Variants in ANKRD36 observed in about 807,000 individuals in gnomAD.
The protein encoded by ANKRD36 is ankyrin repeat domain 36.
A neutral mutation model predicts 278.1 loss-of-function variants in ANKRD36; 179 were observed. The observed-to-expected ratio is 0.64, with a 90% CI of 0.57 to 0.73. The LOEUF (loss-of-function observed/expected upper bound fraction) is 0.73, where lower values mean the gene tolerates loss of function less well. ANKRD36 is among the 30% of genes least tolerant of loss of function. ANKRD36 has a pLI of 0.00. For missense variants in ANKRD36, 1,159 were observed against 1,956.7 expected (o/e 0.59, Z 7.69); for synonymous variants, 320 against 641.1 (o/e 0.50, Z 7.57).
In ANKRD36 at chr2:97,179,916, G is replaced by C. The variant is rs750613624; in HGVS notation, c.1718G>C (p.Gly573Ala). ...AATATAGCCACAGAAATAAAGGAGG[G>C]ACCAATATCTGGGACAGGTAATTTT... ...VSNIATEIKEGPISGTVSSQK... is the reference protein window; with the variant it reads ...VSNIATEIKEAPISGTVSSQK... The change falls in exon 24 of 76, where the codon GGA (glycine) becomes GCA (alanine). Residue 573 changes from glycine to alanine, a missense_variant. Coordinates refer to ENST00000420699, the MANE Select transcript of ANKRD36 (RefSeq NM_001354587.1). The C allele has an allele frequency of 4.4e-6, 7 of 1,605,600 alleles. No individual in the cohort carries two copies. The highest frequency in any genetic ancestry group is 4.0e-5 in the African/African-American group (3 of 74,680).
intron 64 of ANKRD36, among the ~76,000 whole-genome samples, chr2:97,218,086 T>C (rs1342699938): frequency 6.6e-6 from 1 of 151,910 alleles, no homozygotes; most frequent in Non-Finnish European, 1.5e-5. Context: ...TTTTATTAGT[T>C]ATTCAAATGA....
At chr2:97,122,666 T>TTTGG (rs1248046371) in intron 3 of ANKRD36, among the ~76,000 whole-genome samples, 3 of 149,776 alleles carry the variant, frequency 2.0e-5, no homozygotes, top group Non-Finnish European at 4.4e-5. Context: ...TGAAGTGAGT[T>TTTGG]TTGGAGATGA....
chr2:97,218,688 C>T (rs1181643082), intron 64 of ANKRD36, among the ~76,000 whole-genome samples: 1 of 152,108 alleles, frequency 6.6e-6, no homozygotes, highest in Admixed American at 6.6e-5. Flanking sequence ...GAAAGTCATG[C>T]AGTCGCAGTT....
At position 97,124,528 on chromosome 2, in the gene ANKRD36, T is replaced by G; in HGVS notation, c.662T>G (p.Ile221Ser). 1.9e-6 allele frequency: 3 copies of G among 1,553,096 alleles called. No individual in the cohort carries two copies. In the Admixed American group the frequency reaches 5.9e-5, roughly 30 times the overall value. The change falls in exon 5 of 76, where the codon ATT becomes AGT. Residue 221 changes from isoleucine to serine, a missense_variant. Coordinates refer to ENST00000420699, the MANE Select transcript of ANKRD36 (RefSeq NM_001354587.1). ...DIVILLLQHNIDVLSRDAFRK... is the reference protein window; with the variant it reads ...DIVILLLQHNSDVLSRDAFRK... ...GTCATTCTTCTTCTGCAGCACAATA[T>G]TGATGTGCTTTCTCGAGATGCGTTT...
Position 97,181,923 on chromosome 2 carries a change from T to C in ANKRD36, c.1837+130T>C, listed in dbSNP as rs1018834232. ...TTCAGCAGGCCTGAGATTCTTCAGT[T>C]CTCAGGTGACACTGATGCTGCTGGT... On this transcript the variant is annotated intron_variant, in intron 26 of 75. Transcript: ENST00000420699. 58 of 1,250,676 alleles carry C rather than the reference T, an allele frequency of 4.6e-5. No homozygotes were observed. In the African/African-American group the frequency reaches 7.4e-4, roughly 16 times the overall value. The allele number at this position is 1,250,676 out of a possible 1,614,324, so 77.5% of individuals were successfully genotyped here. A position where few individuals can be genotyped will look rare whatever the true frequency, so the allele number is the denominator to read the frequency against.
chr2:97,113,190 C>T lies in ANKRD36; in HGVS notation c.-550C>T, dbSNP rs1171790429. 6.6e-6 allele frequency among the ~76,000 whole-genome samples: 1 copy of T among 152,084 alleles called. No homozygotes were observed. The highest frequency in any genetic ancestry group is 2.4e-5 in the African/African-American group (1 of 41,444). On this transcript the variant is annotated 5_prime_UTR_variant, in exon 1 of 76. Coordinates refer to ENST00000420699, the MANE Select transcript of ANKRD36 (RefSeq NM_001354587.1). ...GCTGCAGTGCCGCCTACAAGTGGTG[C>T]GCTGGCTGCAGCTGTGGCAACCCCG...
intron 62 of ANKRD36, 43 bp downstream of exon 62, chr2:97,215,540 A>G: frequency 6.3e-7 from 1 of 1,595,892 alleles, no homozygotes; most frequent in Non-Finnish European, 8.5e-7. Flanking sequence ...GATCAAATAG[A>G]AGAGAAATTC....
At chr2:97,231,474 T>A (rs1220909638) in intron 67 of ANKRD36, among the ~76,000 whole-genome samples, 4 of 152,152 alleles carry the variant, frequency 2.6e-5, no homozygotes, top group African/African-American at 9.6e-5. Context: ...TGCCGTTTTT[T>A]AAGCCCGTCG....
intron 3 of ANKRD36, 93 bp from the exon 4 acceptor site, chr2:97,122,794 T>C (rs1229137366): frequency 9.1e-6 from 11 of 1,208,952 alleles, no homozygotes; most frequent in African/African-American, 1.6e-5. Context: ...ATTGTATATA[T>C]TGAAGCTCAC....
intron 14 of ANKRD36, among the ~76,000 whole-genome samples, chr2:97,153,279 T>A (rs2046556550): frequency 6.7e-6 from 1 of 149,194 alleles, no homozygotes; most frequent in Admixed American, 6.8e-5. Flanking sequence ...TTTTCTGGAT[T>A]CTTTTTTTTC....
intron 6 of ANKRD36, among the ~76,000 whole-genome samples, chr2:97,139,770 G>A (rs1312248635): frequency 6.6e-6 from 1 of 152,072 alleles, no homozygotes; most frequent in African/African-American, 2.4e-5. Flanking sequence ...GACATGTCAT[G>A]ACCCTGAGAA....
At chr2:97,116,050 A>G (rs2035234477) in intron 1 of ANKRD36, among the ~76,000 whole-genome samples, 1 of 151,914 alleles carries the variant, frequency 6.6e-6, no homozygotes, top group Admixed American at 6.6e-5. Flanking sequence ...CAAACAATCT[A>G]TGGTGTTTGT....
At chr2:97,235,589 G>A (rs1464961821) in intron 68 of ANKRD36, among the ~76,000 whole-genome samples, 2 of 140,756 alleles carry the variant, frequency 1.4e-5, no homozygotes, top group Non-Finnish European at 3.0e-5. Context: ...ACAGCACAGT[G>A]GAAAAATTCT....
chr2:97,209,640 T>C (rs1202912271), intron 54 of ANKRD36, 41 bp from the exon 55 acceptor site: 6 of 1,581,208 alleles, frequency 3.8e-6, no homozygotes, highest in Non-Finnish European at 5.1e-6. Flanking sequence ...AACTTTATCA[T>C]ATTTACATGT....
At position 97,113,850 on chromosome 2, in the gene ANKRD36, C is replaced by T. The variant is rs570820472; in HGVS notation, c.111C>T (p.His37=). The T allele has an allele frequency of 1.9e-6, 3 of 1,613,194 alleles. 1 individual carries two copies. In the East Asian group the frequency reaches 6.8e-5, roughly 36 times the overall value. The change falls in exon 1 of 76, where the codon CAC becomes CAT. Residue 37 remains histidine, a synonymous_variant. Transcript: ENST00000420699. Reference sequence around the variant, plus strand: ...AACCGTATCATCTGAAGAGGATCCACAGAGCTGTCTTACATGGTAATCTAG... The same window carrying T: ...AACCGTATCATCTGAAGAGGATCCATAGAGCTGTCTTACATGGTAATCTAG... The part of the protein sequence containing the change: ...PIKPYHLKRI[H]RAVLHGNLEK...
rs1372594773 is a variant in ANKRD36 at position 97,196,874 on chromosome 2, C to T, written c.2653+86C>T. The T allele has an allele frequency of 2.0e-5, 30 of 1,519,072 alleles. No homozygotes were observed. In the East Asian group the frequency reaches 3.0e-4, roughly 15 times the overall value. 94.1% of individuals were successfully genotyped at this position (1,519,072 alleles called of 1,614,324 possible). On this transcript the variant is annotated intron_variant, in intron 42 of 75. Coordinates refer to ENST00000420699, the MANE Select transcript of ANKRD36 (RefSeq NM_001354587.1). ...CCAAATAAATCAGCGGGGGGCTCAT[C>T]GAAGCTGCACTTTCTGATTCAGCAG...
chr2:97,187,494 G>GGGA, intron 32 of ANKRD36, 93 bp downstream of exon 32: 3 of 95,516 alleles, frequency 3.1e-5, no homozygotes, highest in Non-Finnish European at 6.4e-5. Flanking sequence ...GGGTGGGGGG[G>GGGA]CTCGCCGAAG....
intron 48 of ANKRD36, among the ~76,000 whole-genome samples, chr2:97,203,664 T>C (rs1238057833): frequency 6.6e-6 from 1 of 151,820 alleles, no homozygotes; most frequent in Non-Finnish European, 1.5e-5. Flanking sequence ...GTTTGTAGTA[T>C]AATGGTGTAA....
Position 97,113,752 on chromosome 2 carries a change from A to T in ANKRD36, c.13A>T (p.Lys5Ter), listed in dbSNP as rs774044606. The T allele has an allele frequency of 2.5e-6, 4 of 1,590,266 alleles. No homozygotes were observed. The highest frequency in any genetic ancestry group is 3.4e-6 in the Non-Finnish European group (4 of 1,165,650). Residue 5 changes from lysine to a stop codon, truncating the protein, a stop_gained, in exon 1 of 76, where the codon AAG (lysine) becomes TAG (stop). Transcript: ENST00000420699. LOFTEE classifies it high-confidence loss of function. ...GCAGCCGACGATTATGGAAGACGGCAAGCGGGAGAGGTGGCCCACCCTCAT... is the reference window on the plus strand; with the variant it reads ...GCAGCCGACGATTATGGAAGACGGCTAGCGGGAGAGGTGGCCCACCCTCAT... The part of the protein sequence containing the change: MEDG[K>*]RERWPTLMER...
Sources: allele counts gnomAD v4.1 joint callset (sites outside exome capture counted in the v4.1 genomes callset), GRCh38; gene constraint gnomAD v4.1.1; transcripts MANE v1.5; gene names NCBI Gene and HGNC (gene_info 2026-07-23, HGNC 2026-07-21).